Variants in RABAC1 observed in about 807,000 individuals in gnomAD.
The protein encoded by RABAC1 is prenylated Rab acceptor protein 1.
A neutral mutation model predicts 22.9 loss-of-function variants in RABAC1; 16 were observed. That is an observed-to-expected ratio of 0.70 (90% CI 0.47 to 1.06). The LOEUF is 1.06. Ranked by LOEUF, RABAC1 falls within the 50% of genes least tolerant of loss-of-function variation. RABAC1 has a pLI of 0.00. For synonymous variants in RABAC1, 139 were observed against 107.7 expected, an observed-to-expected ratio of 1.29 and a Z score of -1.80; for missense variants, 227 against 246.5, an observed-to-expected ratio of 0.92 and a Z score of 0.53.
At position 41,956,781 on chromosome 19, in the gene RABAC1, G is replaced by A; in HGVS notation, c.*65C>T. 1 of 1,448,170 alleles carries A rather than the reference G, an allele frequency of 6.9e-7. No individual in the cohort carries two copies. Among genetic ancestry groups the A allele is most frequent in the South Asian group, 1.3e-5 (1 of 78,580 alleles). The allele number at this position is 1,448,170 out of a possible 1,614,324, so 89.7% of individuals were successfully genotyped here. ...CTGTGGGCCCGAGCAGCAGAGCCGTGCAGGACAGGCATGGGCAGGGGTGGG... is the reference window on the plus strand; with the variant it reads ...CTGTGGGCCCGAGCAGCAGAGCCGTACAGGACAGGCATGGGCAGGGGTGGG... On this transcript the variant is annotated 3_prime_UTR_variant, in exon 5 of 5. Coordinates refer to ENST00000222008, the MANE Select transcript of RABAC1 (RefSeq NM_006423.3).
intron 2 of RABAC1, 26 bp downstream of exon 2, chr19:41,958,710 G>T: frequency 1.2e-6 from 2 of 1,601,260 alleles, no homozygotes; most frequent in East Asian, 2.3e-5. Flanking sequence ...GGGCTAGTGC[G>T]GGTGCGGGGC....
chr19:41,957,138 G>A lies in RABAC1; in HGVS notation c.368-19C>T. On this transcript the variant is annotated intron_variant, in intron 3 of 4. Transcript: ENST00000222008. ...TCTCGGCCTGGGGGCAGATGGCATT[G>A]GGGTGCTGTTCCGACTCTCCATGCC... The A allele has an allele frequency of 6.2e-7, 1 of 1,605,480 alleles. No homozygotes were observed. The highest frequency in any genetic ancestry group is 2.2e-5 in the East Asian group (1 of 44,764).
intron 1 of RABAC1, 87 bp from the exon 2 acceptor site, chr19:41,959,035 C>T: frequency 7.2e-7 from 1 of 1,392,210 alleles, no homozygotes; most frequent in African/African-American, 1.4e-5. Context: ...GCCTGGACTC[C>T]CTCCCGGGAC....
In RABAC1 at chr19:41,958,745, AG is replaced by A; in HGVS notation, c.259del (p.Leu87CysfsTer5). ...NYVFVFLGLI[L>X]YCVVTSPMLL... ...CCCGGGAGGCACTCACACACAGTAC[AG>A]GATGAGGCCCAGGAACACGAACACA... On this transcript the variant is annotated frameshift_variant, in exon 2 of 5. Coordinates refer to ENST00000222008, the MANE Select transcript of RABAC1 (RefSeq NM_006423.3). LOFTEE classifies it high-confidence loss of function. The A allele has an allele frequency of 1.2e-6, 2 of 1,612,754 alleles. No homozygotes were observed. The highest frequency in any genetic ancestry group is 3.3e-4 in the Middle Eastern group (2 of 6,060).
Position 41,959,173 on chromosome 19 carries a change from G to A in RABAC1, c.56+64C>T, listed in dbSNP as rs369573017. ...CTCCAGGCTCTCGAGGGAGGAGGGA[G>A]GAGGGGGCCGGGGGCCCGGACTCCC... On this transcript the variant is annotated intron_variant, in intron 1 of 4. Coordinates refer to ENST00000222008, the MANE Select transcript of RABAC1 (RefSeq NM_006423.3). 2.6e-5 allele frequency: 41 copies of A among 1,602,182 alleles called. 1 individual carries two copies. The South Asian group carries it at 4.1e-4, about 16-fold the overall frequency.
Position 41,959,239 on chromosome 19 carries a change from G to A in RABAC1, c.54C>T (p.Gly18=). ...QKDAEAEGLS[G]TTLLPKLIPS... ...GGGCCTAGAGCCAGCTCGCTCACGT[G>A]CCGCTCAGCCCTTCCGCCTCGGCAT... The change falls in exon 1 of 5, where the codon GGC becomes GGT. Residue 18 remains glycine (G), a splice_region_variant and synonymous_variant. Transcript: ENST00000222008. The A allele has an allele frequency of 1.2e-6, 2 of 1,613,516 alleles. No individual in the cohort carries two copies. The highest frequency in any genetic ancestry group is 1.7e-6 in the Non-Finnish European group (2 of 1,179,922).
chr19:41,958,292 G>T lies in RABAC1; in HGVS notation c.361C>A (p.Leu121Ile). Reference protein sequence around the residue: ...YLRTLESKLVLFGREVSPAHQ... With the variant: ...YLRTLESKLVIFGREVSPAHQ... Reference sequence around the variant, plus strand: ...TGGGCAGGGGGTTTCTCACCAAAGAGCACAAGCTTGGACTCCAAGGTGCGC... The same window carrying T: ...TGGGCAGGGGGTTTCTCACCAAAGATCACAAGCTTGGACTCCAAGGTGCGC... Residue 121 changes from leucine to isoleucine, a missense_variant, in exon 3 of 5, where the codon CTC becomes ATC. Coordinates refer to ENST00000222008, the MANE Select transcript of RABAC1 (RefSeq NM_006423.3). The T allele has an allele frequency of 6.2e-7, 1 of 1,611,824 alleles. No individual in the cohort carries two copies. Among genetic ancestry groups the T allele is most frequent in the African/African-American group, 1.3e-5 (1 of 75,044 alleles).
chr19:41,957,256 A>G, intron 3 of RABAC1, 137 bp from the exon 4 acceptor site: 1 of 697,734 alleles, frequency 1.4e-6, no homozygotes, highest in Non-Finnish European at 2.5e-6. Context: ...AAGGCCCTCC[A>G]GGTCCTGGGG....
In RABAC1 at chr19:41,958,880, A is replaced by T; in HGVS notation, c.125T>A (p.Ile42Asn). ...GTCCACGAAGGTGCTCCAGGGCCGG[A>T]TGGTCGCGCGGCGCCGCTCCAGCCA... ...REWLERRRAT[I>N]RPWSTFVDQQ... is the part of the protein sequence containing the mutation. The change falls in exon 2 of 5, where the codon ATC becomes AAC. Residue 42 changes from isoleucine to asparagine, a missense_variant. Coordinates refer to ENST00000222008, the MANE Select transcript of RABAC1 (RefSeq NM_006423.3). 6.2e-7 allele frequency: 1 copy of T among 1,601,100 alleles called. No individual in the cohort carries two copies. The highest frequency in any genetic ancestry group is 8.5e-7 in the Non-Finnish European group (1 of 1,177,454).
In RABAC1 at chr19:41,957,123, G is replaced by A; in HGVS notation, c.368-4C>T. On this transcript the variant is annotated splice_region_variant and splice_polypyrimidine_tract_variant and intron_variant, in intron 3 of 4. Coordinates refer to ENST00000222008, the MANE Select transcript of RABAC1 (RefSeq NM_006423.3). Reference sequence around the variant, plus strand: ...TGCGCTGGGCTCACCTCTCGGCCTGGGGGCAGATGGCATTGGGGTGCTGTT... The same window carrying A: ...TGCGCTGGGCTCACCTCTCGGCCTGAGGGCAGATGGCATTGGGGTGCTGTT... 2 of 1,612,728 alleles carry A rather than the reference G, an allele frequency of 1.2e-6. No individual in the cohort carries two copies. The highest frequency in any genetic ancestry group is 1.7e-6 in the Non-Finnish European group (2 of 1,179,456).
chr19:41,958,166 A>C (rs546439108), intron 3 of RABAC1, 120 bp downstream of exon 3: 1 of 906,270 alleles, frequency 1.1e-6, no homozygotes, highest in East Asian at 2.7e-5. Context: ...TCTAGTGTAC[A>C]TCTAGGCTTG....
rs782056825 is a variant in RABAC1 at position 41,958,312 on chromosome 19, G to A, written c.341C>T (p.Thr114Ile). Reference sequence around the variant, plus strand: ...AAAGAGCACAAGCTTGGACTCCAAGGTGCGCAGATAGAGAATGTAACAGGC... The same window carrying A: ...AAAGAGCACAAGCTTGGACTCCAAGATGCGCAGATAGAGAATGTAACAGGC... The part of the protein sequence containing the change: ...FGACYILYLR[T>I]LESKLVLFGR... The change falls in exon 3 of 5, where the codon ACC becomes ATC. Residue 114 changes from threonine (T) to isoleucine (I), a missense_variant. Thr to Ile is a moderately conservative substitution (Grantham distance 89). Transcript: ENST00000222008. 152 of 1,613,144 alleles carry A rather than the reference G, an allele frequency of 9.4e-5. No individual in the cohort carries two copies. The highest frequency in any genetic ancestry group is 1.2e-4 in the Non-Finnish European group (142 of 1,179,740).
At position 41,956,952 on chromosome 19, in the gene RABAC1, G is replaced by A. The variant is rs1599695091; in HGVS notation, c.470-18C>T. 1 of 1,612,166 alleles carries A rather than the reference G, an allele frequency of 6.2e-7. No homozygotes were observed. The highest frequency in any genetic ancestry group is 8.5e-7 in the Non-Finnish European group (1 of 1,178,908). Reference sequence around the variant, plus strand: ...GGTGGCTCCTGCAGGAAAGCCGGCAGCTCAGGGCCACACTCCTGCACCTGG... The same window carrying A: ...GGTGGCTCCTGCAGGAAAGCCGGCAACTCAGGGCCACACTCCTGCACCTGG... On this transcript the variant is annotated intron_variant, in intron 4 of 4. Coordinates refer to ENST00000222008, the MANE Select transcript of RABAC1 (RefSeq NM_006423.3).
chr19:41,958,564 G>T (rs1348065286), intron 2 of RABAC1, among the ~76,000 whole-genome samples, 172 bp downstream of exon 2: 1 of 152,188 alleles, frequency 6.6e-6, no homozygotes, highest in Non-Finnish European at 1.5e-5. Context: ...TGGCCCTTTG[G>T]TGACAAGGTA....
At chr19:41,958,635 TG>T in intron 2 of RABAC1, 100 bp downstream of exon 2, 8 of 1,286,942 alleles carry the variant, frequency 6.2e-6, no homozygotes, top group Non-Finnish European at 8.6e-6. Flanking sequence ...CCCTGGGCGG[TG>T]AGAGGAGGGA....
rs200458767 is a variant in RABAC1, at chr19:41,959,297, G to C, written c.-5C>G. ...CTGGTCCTTCTGCGCTGCCATGTCT[G>C]CGTCGTGAGGGGTAGAGCTGCTGTA... is the stretch of plus-strand genomic sequence containing the variant. On this transcript the variant is annotated 5_prime_UTR_variant, in exon 1 of 5. Coordinates refer to ENST00000222008, the MANE Select transcript of RABAC1 (RefSeq NM_006423.3). 212 of 1,613,612 alleles carry C rather than the reference G, an allele frequency of 1.3e-4. 2 individuals are homozygous for C. The East Asian group carries it at 4.1e-3, about 31-fold the overall frequency.
At position 41,957,029 on chromosome 19, in the gene RABAC1, A is replaced by T. The variant is rs781836725; in HGVS notation, c.458T>A (p.Phe153Tyr). The T allele has an allele frequency of 1.2e-6, 2 of 1,613,642 alleles. No individual in the cohort carries two copies. Among genetic ancestry groups the T allele is most frequent in the Non-Finnish European group, 1.7e-6 (2 of 1,179,984 alleles). The change falls in exon 4 of 5, where the codon TTC becomes TAC. Residue 153 changes from phenylalanine (F) to tyrosine (Y), a missense_variant. Coordinates refer to ENST00000222008, the MANE Select transcript of RABAC1 (RefSeq NM_006423.3). ...FWLAGAGSAV[F>Y]WVLGATLVVI... The stretch of plus-strand genomic sequence containing the variant: ...GACCCTGTACTCACCCAGCACCCAG[A>T]AGACGGCCGAGCCCGCACCAGCCAG...
In RABAC1 at chr19:41,956,826, G is replaced by A. The variant is rs782281979; in HGVS notation, c.*20C>T. 17 of 1,589,722 alleles carry A rather than the reference G, an allele frequency of 1.1e-5. No individual in the cohort carries two copies. In the East Asian group the frequency reaches 1.1e-4, roughly 11 times the overall value. On this transcript the variant is annotated 3_prime_UTR_variant, in exon 5 of 5. Transcript: ENST00000222008. ...GGTGGGGCAGCTGGCCCGGGAGGCC[G>A]GCAGGTCCCAGAAGACACCTCACAC...
Position 41,958,860 on chromosome 19 carries a change from C to A in RABAC1, c.145G>T (p.Val49Leu), listed in dbSNP as rs1301313320. Residue 49 changes from valine (V) to leucine (L), a missense_variant, in exon 2 of 5, where the codon GTG (valine) becomes TTG (leucine). Transcript: ENST00000222008. Reference sequence around the variant, plus strand: ...GGCCGTGAGAAGCGCTGCTGGTCCACGAAGGTGCTCCAGGGCCGGATGGTC... The same window carrying A: ...GGCCGTGAGAAGCGCTGCTGGTCCAAGAAGGTGCTCCAGGGCCGGATGGTC... ...RATIRPWSTFVDQQRFSRPRN... is the reference protein window; with the variant it reads ...RATIRPWSTFLDQQRFSRPRN... 4 of 1,606,800 alleles carry A rather than the reference C, an allele frequency of 2.5e-6. No homozygotes were observed. Among genetic ancestry groups the A allele is most frequent in the African/African-American group, 2.7e-5 (2 of 74,896 alleles).
Sources: gnomAD v4.1 joint callset for allele counts (sites outside exome capture counted in the v4.1 genomes callset) on GRCh38, gnomAD v4.1.1 for gene constraint, MANE v1.5 for transcripts, NCBI Gene and HGNC (gene_info 2026-07-23, HGNC 2026-07-21) for gene names.